The following PRRX1 variants were observed in gnomAD, a reference collection of about 807,000 sequenced individuals.
The protein encoded by PRRX1 is paired mesoderm homeobox protein 1.
PRRX1 carries 8 observed loss-of-function variants against 24.0 expected under a neutral mutation model. The ratio of observed to expected loss-of-function variants is 0.33; its 90% CI spans 0.20 to 0.60. The LOEUF (loss-of-function observed/expected upper bound fraction) is 0.60. PRRX1 is among the 20% of genes least tolerant of loss of function. The probability of loss-of-function intolerance (pLI) is 0.82; values close to 1 mark genes in which losing one functional copy is unlikely to be tolerated. For synonymous variants in PRRX1, 160 were observed against 131.7 expected (o/e 1.22, Z -1.47); for missense variants, 281 against 322.4 (o/e 0.87, Z 0.98).
At chr1:170,667,777 C>T (rs566140168) in intron 1 of PRRX1, 1 of 152,184 alleles carries the variant, frequency 6.6e-6, no homozygotes, top group African/African-American at 2.4e-5. Context: ...TAAAAAGAAG[C>T]CTTTGGCTCT....
chr1:170,720,545 T>C (rs1655048952), intron 2 of PRRX1, among the ~76,000 whole-genome samples: 1 of 152,198 alleles, frequency 6.6e-6, no homozygotes, highest in African/African-American at 2.4e-5. Flanking sequence ...CTGAGTATTT[T>C]ACTCTGCACC....
intron 2 of PRRX1, among the ~76,000 whole-genome samples, chr1:170,722,370 C>A (rs1655117790): frequency 6.6e-6 from 1 of 152,104 alleles, no homozygotes. Flanking sequence ...TTTTTTTCTT[C>A]TTTTCCTCTT....
At chr1:170,720,004 A>C (rs1028855572) in intron 2 of PRRX1, 103 bp downstream of exon 2, 65 of 1,439,278 alleles carry the variant, frequency 4.5e-5, no homozygotes, top group Non-Finnish European at 5.4e-5. Context: ...ACAGTGGCTC[A>C]TGCCTGCAAT....
chr1:170,672,947 A>G (rs940447127), intron 1 of PRRX1, among the ~76,000 whole-genome samples: 3 of 152,130 alleles, frequency 2.0e-5, no homozygotes, highest in African/African-American at 2.4e-5. Context: ...TGTTGCAGAG[A>G]AAATTGACAC....
At chr1:170,719,946 A>G (rs1655028557) in intron 2 of PRRX1, 45 bp downstream of exon 2, 5 of 1,604,944 alleles carry the variant, frequency 3.1e-6, no homozygotes, top group Admixed American at 3.3e-5. Flanking sequence ...TACCCTCCTC[A>G]GAGGCACATC....
intron 3 of PRRX1, among the ~76,000 whole-genome samples, 161 bp from the exon 4 acceptor site, chr1:170,735,887 G>A (rs1020363443): frequency 6.6e-6 from 1 of 152,108 alleles, no homozygotes; most frequent in Non-Finnish European, 1.5e-5. Flanking sequence ...TACCTTAGAC[G>A]AATGGAAAGC....
chr1:170,722,745 T>G (rs1302010045), intron 2 of PRRX1: 1 of 152,200 alleles, frequency 6.6e-6, no homozygotes, highest in African/African-American at 2.4e-5. Context: ...GGACAAATCT[T>G]GAAAGTAGTG....
chr1:170,703,488 A>G (rs1444128193), intron 1 of PRRX1, among the ~76,000 whole-genome samples: 1 of 152,234 alleles, frequency 6.6e-6, no homozygotes, highest in African/African-American at 2.4e-5. Context: ...TACTTGGTAA[A>G]TCATATTGAC....
At chr1:170,687,257 C>T (rs780258112) in intron 1 of PRRX1, among the ~76,000 whole-genome samples, 5 of 152,104 alleles carry the variant, frequency 3.3e-5, no homozygotes, top group Non-Finnish European at 7.4e-5. Context: ...GTCTGCATTG[C>T]ACATTTACAG....
chr1:170,671,788 G>A (rs1257965465), intron 1 of PRRX1, among the ~76,000 whole-genome samples: 2 of 152,174 alleles, frequency 1.3e-5, no homozygotes, highest in Non-Finnish European at 2.9e-5. Flanking sequence ...GGGGCCAGAT[G>A]ACCGTGGATG....
At chr1:170,732,432 A>G (rs1331166303) in intron 3 of PRRX1, among the ~76,000 whole-genome samples, 2 of 152,142 alleles carry the variant, frequency 1.3e-5, no homozygotes, top group Non-Finnish European at 2.9e-5. Context: ...TTGAAGAATG[A>G]CTAAGATACT....
intron 1 of PRRX1, among the ~76,000 whole-genome samples, chr1:170,692,530 T>G (rs1369033010): frequency 1.3e-5 from 2 of 152,086 alleles, no homozygotes; most frequent in Non-Finnish European, 2.9e-5. Flanking sequence ...TGTTTTTTTT[T>G]TTTAAATTCA....
intron 1 of PRRX1, among the ~76,000 whole-genome samples, chr1:170,687,245 A>G (rs1653776185): frequency 6.6e-6 from 1 of 152,138 alleles, no homozygotes; most frequent in South Asian, 2.1e-4. Context: ...CGATGAGAAA[A>G]TGTCTGCATT....
chr1:170,681,834 C>A (rs958844970), intron 1 of PRRX1, among the ~76,000 whole-genome samples: 2 of 151,878 alleles, frequency 1.3e-5, no homozygotes, highest in East Asian at 1.9e-4. Flanking sequence ...TTTGCATCAC[C>A]TAATATTGAA....
At chr1:170,701,339 G>C (rs1451211112) in intron 1 of PRRX1, among the ~76,000 whole-genome samples, 1 of 152,158 alleles carries the variant, frequency 6.6e-6, no homozygotes, top group Non-Finnish European at 1.5e-5. Context: ...TTACCAGCCA[G>C]TACTCATCAC....
At chr1:170,664,015 A>G (rs1346627471), upstream of PRRX1, 26 of 587,614 alleles carry the variant, frequency 4.4e-5, no homozygotes, top group African/African-American at 5.8e-5. Context: ...GCTCTGCTCT[A>G]CAGAAGGGGG....
chr1:170,672,659 C>T (rs1193905196), intron 1 of PRRX1, among the ~76,000 whole-genome samples: 1 of 152,170 alleles, frequency 6.6e-6, no homozygotes, highest in Non-Finnish European at 1.5e-5. Context: ...CCAAGGAGCC[C>T]AATTCAATCA....
At chr1:170,675,821 C>T (rs1653303482) in intron 1 of PRRX1, among the ~76,000 whole-genome samples, 1 of 152,010 alleles carries the variant, frequency 6.6e-6, no homozygotes, top group African/African-American at 2.4e-5. Context: ...GATATAAAAT[C>T]CCGTAGAACA....
chr1:170,707,841 T>A lies in PRRX1; in HGVS notation c.242-11885T>A, dbSNP rs193088753. On this transcript the variant is annotated intron_variant, in intron 1 of 3. Transcript: ENST00000239461. ...CTATCAAAGTCCTTTTTCAAAGTAA[T>A]TTAAAAATTGGAAAATTTTTAGAAA... Among the ~76,000 whole-genome samples, 11 of 152,262 alleles carry A rather than the reference T, an allele frequency of 7.2e-5. No homozygotes were observed. The East Asian group carries it at 2.1e-3, about 29-fold the overall frequency.
Sources: gnomAD v4.1 joint callset for allele counts (sites outside exome capture counted in the v4.1 genomes callset) on GRCh38, gnomAD v4.1.1 for gene constraint, MANE v1.5 for transcripts, NCBI Gene and HGNC (gene_info 2026-07-23, HGNC 2026-07-21) for gene names.